The following RABGAP1L variants were observed in gnomAD, a reference collection of about 807,000 sequenced individuals.
The protein encoded by RABGAP1L is rab GTPase-activating protein 1-like.
RABGAP1L carries 63 observed loss-of-function variants against 137.7 expected under a neutral mutation model. The ratio of observed to expected loss-of-function variants is 0.46; its 90% CI spans 0.37 to 0.56. The LOEUF (loss-of-function observed/expected upper bound fraction) is 0.56. Among genes scored for constraint, RABGAP1L ranks in the 20% least tolerant of loss-of-function variants. The pLI, the probability that RABGAP1L is intolerant of heterozygous loss-of-function variation, is 0.00. For synonymous variants in RABGAP1L, 431 were observed against 433.7 expected (o/e 0.99, Z 0.08); for missense variants, 1,095 against 1,244.0 (o/e 0.88, Z 1.80).
In RABGAP1L at chr1:174,167,155, A is replaced by G. The variant is rs563054360; in HGVS notation, c.-34+7498A>G. On this transcript the variant is annotated intron_variant, in intron 1 of 25. Coordinates refer to ENST00000681986, the MANE Select transcript of RABGAP1L (RefSeq NM_001366446.1). ...AAATATGGCATGGCCCAGATGCCTC[A>G]CACCAGTTAAATGATAAAGCTAATC... Among the ~76,000 whole-genome samples, 6 of 152,360 alleles carry G rather than the reference A, an allele frequency of 3.9e-5. No homozygotes were observed. In the East Asian group the frequency reaches 1.2e-3, roughly 29 times the overall value.
intron 19 of RABGAP1L, among the ~76,000 whole-genome samples, chr1:174,928,407 C>T (rs999699532): frequency 1.3e-4 from 19 of 151,578 alleles, no homozygotes; most frequent in African/African-American, 4.6e-4. Flanking sequence ...AAGTTTGTGA[C>T]TATTTTATTC....
chr1:174,760,385 T>C (rs1448081262), intron 18 of RABGAP1L, among the ~76,000 whole-genome samples: 1 of 152,198 alleles, frequency 6.6e-6, no homozygotes, highest in Middle Eastern at 3.2e-3. Context: ...TGTCCACGTG[T>C]ACTCAATGTT....
chr1:174,183,122 T>G (rs1218990714), intron 1 of RABGAP1L, among the ~76,000 whole-genome samples: 1 of 152,076 alleles, frequency 6.6e-6, no homozygotes, highest in East Asian at 1.9e-4. Flanking sequence ...GTTTTCATCT[T>G]TATATACCTT....
intron 13 of RABGAP1L, among the ~76,000 whole-genome samples, chr1:174,555,441 G>C (rs1413224440): frequency 6.6e-6 from 1 of 152,010 alleles, no homozygotes; most frequent in East Asian, 1.9e-4. Context: ...TGATCACCTG[G>C]TCTAATTATA....
At chr1:174,590,598 G>C (rs1435008136) in intron 13 of RABGAP1L, among the ~76,000 whole-genome samples, 1 of 70,846 alleles carries the variant, frequency 1.4e-5, no homozygotes, top group Non-Finnish European at 2.6e-5. Context: ...AGAATATGCG[G>C]TGTTTGGTTT....
chr1:174,297,494 A>G (rs1466312097), intron 10 of RABGAP1L, among the ~76,000 whole-genome samples: 1 of 152,200 alleles, frequency 6.6e-6, no homozygotes, highest in African/African-American at 2.4e-5. Context: ...TTCCACTCCA[A>G]TGAGCATTAC....
At chr1:174,925,368 A>C (rs1295330378) in intron 19 of RABGAP1L, among the ~76,000 whole-genome samples, 4 of 149,098 alleles carry the variant, frequency 2.7e-5, no homozygotes, top group East Asian at 1.9e-4. Flanking sequence ...AAAAAAAAAA[A>C]AAAAAAAAAA....
intron 19 of RABGAP1L, among the ~76,000 whole-genome samples, chr1:174,847,269 T>C (rs971168392): frequency 6.6e-6 from 1 of 151,798 alleles, no homozygotes; most frequent in African/African-American, 2.4e-5. Context: ...ATCCTGTCAT[T>C]ATGATGTTAG....
intron 18 of RABGAP1L, among the ~76,000 whole-genome samples, chr1:174,804,166 G>A (rs2148831604): frequency 6.6e-6 from 1 of 151,980 alleles, no homozygotes; most frequent in South Asian, 2.1e-4. Flanking sequence ...TCCATACTCT[G>A]TAAGTGTGTG....
chr1:174,645,024 A>G (rs1674836559), intron 14 of RABGAP1L, among the ~76,000 whole-genome samples: 1 of 152,054 alleles, frequency 6.6e-6, no homozygotes, highest in South Asian at 2.1e-4. Flanking sequence ...ATAAAATTGT[A>G]TTGTTTTAGG....
At chr1:174,982,561 C>T (rs1335984681) in intron 23 of RABGAP1L, among the ~76,000 whole-genome samples, 1 of 152,228 alleles carries the variant, frequency 6.6e-6, no homozygotes, top group Non-Finnish European at 1.5e-5. Context: ...CAGGAATTCA[C>T]TTGAACCAGT....
intron 18 of RABGAP1L, among the ~76,000 whole-genome samples, chr1:174,783,025 T>C (rs1461964636): frequency 1.3e-5 from 2 of 152,178 alleles, no homozygotes; most frequent in Non-Finnish European, 2.9e-5. Context: ...CTGCACACTC[T>C]TTTGGTCCAT....
chr1:174,673,319 CAG>C (rs1458030174), intron 14 of RABGAP1L, among the ~76,000 whole-genome samples: 4 of 152,052 alleles, frequency 2.6e-5, no homozygotes, highest in Non-Finnish European at 5.9e-5. Context: ...CTCATTTGAA[CAG>C]AGAGTGATAA....
chr1:174,787,497 A>C (rs1687541260), intron 18 of RABGAP1L, among the ~76,000 whole-genome samples: 1 of 152,172 alleles, frequency 6.6e-6, no homozygotes, highest in African/African-American at 2.4e-5. Flanking sequence ...AACAAGAACA[A>C]TATATGTAGA....
At chr1:174,677,159 C>CAAA (rs10636911) in intron 14 of RABGAP1L, among the ~76,000 whole-genome samples, 3 of 126,354 alleles carry the variant, frequency 2.4e-5, no homozygotes, top group African/African-American at 1.1e-4. Context: ...CCATCTCTAC[C>CAAA]AAAAAAAAAA....
intron 18 of RABGAP1L, among the ~76,000 whole-genome samples, chr1:174,793,791 G>T (rs1049849449): frequency 1.3e-5 from 2 of 151,940 alleles, no homozygotes; most frequent in Non-Finnish European, 2.9e-5. Flanking sequence ...TGCCTCCCAG[G>T]TTCAAGTGAT....
At chr1:174,522,986 C>T (rs1265283801) in intron 13 of RABGAP1L, among the ~76,000 whole-genome samples, 2 of 152,098 alleles carry the variant, frequency 1.3e-5, no homozygotes, top group Non-Finnish European at 2.9e-5. Context: ...CACATCCAGA[C>T]GATATTAGCT....
chr1:174,693,618 GTTTA>G (rs1279928515), intron 15 of RABGAP1L, among the ~76,000 whole-genome samples: 7 of 151,536 alleles, frequency 4.6e-5, no homozygotes, highest in African/African-American at 1.7e-4. Flanking sequence ...TATGCAATTT[GTTTA>G]TTTACTCATT....
chr1:174,539,344 C>G (rs1245778253), intron 13 of RABGAP1L, among the ~76,000 whole-genome samples: 2 of 151,370 alleles, frequency 1.3e-5, no homozygotes, highest in Non-Finnish European at 2.9e-5. Flanking sequence ...GCACAACATG[C>G]AGGTTTGTTA....
Sources: allele counts gnomAD v4.1 joint callset (sites outside exome capture counted in the v4.1 genomes callset), GRCh38; gene constraint gnomAD v4.1.1; transcripts MANE v1.5; gene names NCBI Gene and HGNC (gene_info 2026-07-23, HGNC 2026-07-21).